DNM1L: variants seen among roughly 807,000 people sequenced by gnomAD.
DNM1L encodes dynamin-1-like protein.
In DNM1L, 33 loss-of-function variants were observed where a neutral mutation model predicts 92.8. The ratio of observed to expected loss-of-function variants is 0.36; its 90% CI spans 0.27 to 0.48. The LOEUF (loss-of-function observed/expected upper bound fraction) is 0.48. Ranked by LOEUF, DNM1L falls within the 20% of genes least tolerant of loss-of-function variation. DNM1L has a pLI of 0.99. For missense variants in DNM1L, 485 were observed against 888.8 expected (o/e 0.55, Z 5.78); for synonymous variants, 284 against 305.0 (o/e 0.93, Z 0.72).
chr12:32,693,405 C>G (rs147186701), intron 1 of DNM1L, among the ~76,000 whole-genome samples: 14 of 152,062 alleles, frequency 9.2e-5, no homozygotes, highest in Admixed American at 3.3e-4. Context: ...AAATGTTTTC[C>G]CTGAATTTTT....
Position 32,701,511 on chromosome 12 carries a change from C to T in DNM1L, c.199C>T (p.Leu67=). 1 of 1,613,894 alleles carries T rather than the reference C, an allele frequency of 6.2e-7. No individual in the cohort carries two copies. Among genetic ancestry groups the T allele is most frequent in the South Asian group, 1.1e-5 (1 of 91,074 alleles). ...IVTRRPLILQ[L]VHVSQEDKRK... ...CACCCGGAGACCTCTCATTCTGCAA[C>T]TGGTCCATGTTTCACAAGAAGATAA... Residue 67 remains leucine, a synonymous_variant, in exon 2 of 20, where the codon CTG becomes TTG. Transcript: ENST00000549701.
chr12:32,707,294 T>G (rs1009631220), intron 2 of DNM1L, 73 bp from the exon 3 acceptor site: 7 of 1,218,118 alleles, frequency 5.7e-6, no homozygotes, highest in Non-Finnish European at 7.2e-6. Context: ...TTTTATTATG[T>G]TGCCTTTTTG....
Position 32,740,472 on chromosome 12 carries a change from C to T in DNM1L, c.1948C>T (p.Leu650Phe). The T allele has an allele frequency of 6.2e-7, 1 of 1,613,974 alleles. No individual in the cohort carries two copies. Among genetic ancestry groups the T allele is most frequent in the Non-Finnish European group, 8.5e-7 (1 of 1,179,944 alleles). Residue 650 changes from leucine to phenylalanine, a missense_variant, in exon 18 of 20, where the codon CTC becomes TTC. Around this residue, in one of 11 missense-constraint regions of DNM1L, gnomAD observed 133 missense variants for 210.9 expected, o/e 0.63. Transcript: ENST00000549701. ...GCGAGATTGTGAGGTTATTGAACGA[C>T]TCATTAAATCATATTTTCTCATTGT... ...EQRDCEVIER[L>F]IKSYFLIVRK... is the part of the protein sequence containing the mutation.
At chr12:32,681,564 C>T (rs1565965927) in intron 1 of DNM1L, among the ~76,000 whole-genome samples, 1 of 140,596 alleles carries the variant, frequency 7.1e-6, no homozygotes, top group South Asian at 2.4e-4. Flanking sequence ...CTCCCCACAC[C>T]GCCCCCCCCG....
At chr12:32,684,102 G>A (rs190404410) in intron 1 of DNM1L, among the ~76,000 whole-genome samples, 6 of 152,316 alleles carry the variant, frequency 3.9e-5, no homozygotes, top group Non-Finnish European at 8.8e-5. Flanking sequence ...CGTTTAGTAT[G>A]TTCACAAAGT....
intron 13 of DNM1L, 108 bp downstream of exon 13, chr12:32,733,915 T>G: frequency 3.2e-6 from 3 of 947,698 alleles, no homozygotes; most frequent in South Asian, 1.3e-5. Context: ...ATGTGCCACA[T>G]TAGTGCCTGC....
At chr12:32,725,997 A>C (rs1230809577) in intron 9 of DNM1L, among the ~76,000 whole-genome samples, 3 of 151,960 alleles carry the variant, frequency 2.0e-5, no homozygotes, top group African/African-American at 7.3e-5. Context: ...AGCTAATCCA[A>C]GCAGACTTAA....
At chr12:32,691,320 C>T (rs986152754) in intron 1 of DNM1L, among the ~76,000 whole-genome samples, 5 of 152,124 alleles carry the variant, frequency 3.3e-5, no homozygotes, top group African/African-American at 7.2e-5. Flanking sequence ...CTCACTGTAA[C>T]CTCTGCCTCC....
intron 9 of DNM1L, among the ~76,000 whole-genome samples, chr12:32,730,708 T>A (rs534262221): frequency 6.6e-6 from 1 of 152,374 alleles, no homozygotes; most frequent in South Asian, 2.1e-4. Context: ...CTGTTTCCTG[T>A]CCTCAAGGAA....
At chr12:32,732,981 A>G (rs1592667873) in intron 12 of DNM1L, among the ~76,000 whole-genome samples, 1 of 152,270 alleles carries the variant, frequency 6.6e-6, no homozygotes, top group East Asian at 1.9e-4. Context: ...CTGTAATCCC[A>G]GCTACTGGGG....
intron 6 of DNM1L, among the ~76,000 whole-genome samples, chr12:32,718,246 A>G (rs1046702557): frequency 1.3e-5 from 2 of 150,730 alleles, no homozygotes; most frequent in Non-Finnish European, 1.5e-5. Context: ...GGTTCAAGCA[A>G]TTCTCCTGCT....
intron 7 of DNM1L, among the ~76,000 whole-genome samples, chr12:32,719,232 G>T (rs1953694569): frequency 6.6e-6 from 1 of 152,170 alleles, no homozygotes; most frequent in South Asian, 2.1e-4. Flanking sequence ...TTACAGGCAT[G>T]AGCCACTGTG....
rs1328502704 is a variant in DNM1L, at chr12:32,743,479, C to CTTAT, written c.*74_*77dup. Reference sequence around the variant, plus strand: ...TAGTTACTGCCTACCTGAGTAGAATCTTATTTATGAACTCCTGTGTATTGC... The same window carrying CTTAT: ...TAGTTACTGCCTACCTGAGTAGAATCTTATTTATTTATGAACTCCTGTGTATTGC... On this transcript the variant is annotated 3_prime_UTR_variant, in exon 20 of 20. Transcript: ENST00000549701. The CTTAT allele has an allele frequency of 2.8e-6, 4 of 1,450,892 alleles. No individual in the cohort carries two copies. The highest frequency in any genetic ancestry group is 1.7e-4 in the Middle Eastern group (1 of 5,794). The allele number at this position is 1,450,892 out of a possible 1,614,324, so 89.9% of individuals were successfully genotyped here. A position where few individuals can be genotyped will look rare whatever the true frequency, so the allele number is the denominator to read the frequency against.
chr12:32,711,762 G>T (rs183694699), intron 5 of DNM1L, among the ~76,000 whole-genome samples: 234 of 152,180 alleles, frequency 1.5e-3, no homozygotes, highest in African/African-American at 5.4e-3. Flanking sequence ...GGGCATGGTG[G>T]TGCACACATG....
At chr12:32,707,952 A>G (rs1358754707) in intron 3 of DNM1L, among the ~76,000 whole-genome samples, 2 of 151,766 alleles carry the variant, frequency 1.3e-5, no homozygotes, top group African/African-American at 4.8e-5. Context: ...CCCTCTCTCA[A>G]AGAAAAAAAA....
At chr12:32,705,811 C>T (rs1303589542) in intron 2 of DNM1L, 3 of 1,596,980 alleles carry the variant, frequency 1.9e-6, no homozygotes, top group East Asian at 4.5e-5. Flanking sequence ...TGTGCTGTTT[C>T]TCTTTAACTA....
intron 1 of DNM1L, among the ~76,000 whole-genome samples, chr12:32,684,992 T>C (rs1284731862): frequency 6.6e-6 from 1 of 150,938 alleles, no homozygotes; most frequent in Non-Finnish European, 1.5e-5. Flanking sequence ...CAGGCTGGAA[T>C]GCAGTGGCGT....
At chr12:32,683,702 G>A (rs1003083526) in intron 1 of DNM1L, among the ~76,000 whole-genome samples, 34 of 151,810 alleles carry the variant, frequency 2.2e-4, no homozygotes, top group Admixed American at 8.5e-4. Flanking sequence ...ATGCCACCAC[G>A]CCCAGCTAAT....
chr12:32,717,294 T>C (rs1417351064), intron 6 of DNM1L, among the ~76,000 whole-genome samples: 6 of 90,952 alleles, frequency 6.6e-5, no homozygotes, highest in African/African-American at 2.9e-4. Flanking sequence ...ACACTATATA[T>C]TTTATATATA....
Sources: allele counts gnomAD v4.1 joint callset (sites outside exome capture counted in the v4.1 genomes callset), GRCh38; gene constraint gnomAD v4.1.1; regional missense constraint gnomAD v4.1.1; transcripts MANE v1.5; gene names NCBI Gene and HGNC (gene_info 2026-07-23, HGNC 2026-07-21).